FLNA: variants seen among roughly 807,000 people sequenced by gnomAD.
The protein encoded by FLNA is filamin-A.
Under a neutral mutation model 157.6 loss-of-function variants are expected in FLNA, and 7 were observed. The observed-to-expected ratio is 0.04, with a 90% CI of 0.03 to 0.08. The LOEUF is 0.08. Among genes scored for constraint, FLNA ranks in the 10% least tolerant of loss-of-function variants. The probability of loss-of-function intolerance (pLI) is 1.00; values close to 1 mark genes in which losing one functional copy is unlikely to be tolerated. For synonymous variants in FLNA, 1,103 were observed against 1,060.8 expected, an observed-to-expected ratio of 1.04 and a Z score of -0.77; for missense variants, 1,750 against 2,398.4, an observed-to-expected ratio of 0.73 and a Z score of 5.65.
chrX:154,354,752 A>T (rs782767086), intron 31 of FLNA, 41 bp from the exon 32 acceptor site: 1 of 1,208,157 alleles, frequency 8.3e-7, no homozygotes, highest in South Asian at 1.8e-5. Context: ...GTCTGTTGTC[A>T]CAGAGGGGCC....
Position 154,354,304 on chromosome X carries a change from G to A in FLNA, c.5417-13C>T, listed in dbSNP as rs781843681. 1 of 1,211,919 alleles carries A rather than the reference G, an allele frequency of 8.3e-7. No homozygotes were observed. The highest frequency in any genetic ancestry group is 1.8e-5 in the South Asian group (1 of 57,068). ...ATCCGAACCTCCCCTGTGGGGCAGT[G>A]GGGCTGAGGTCAGGGCAGCTCATTG... On this transcript the variant is annotated splice_polypyrimidine_tract_variant and intron_variant, in intron 33 of 47. Transcript: ENST00000369850.
intron 32 of FLNA, 58 bp from the exon 33 acceptor site, chrX:154,354,541 T>C (rs897376767): frequency 2.6e-6 from 3 of 1,172,766 alleles, no homozygotes; most frequent in Non-Finnish European, 3.5e-6. Flanking sequence ...GGGTCCCTCC[T>C]CACACATGGT....
chrX:154,361,046 C>CAAAAAAAAAAAAAAAAAAAAAAAAAAAA (rs59672916), intron 21 of FLNA, among the ~76,000 whole-genome samples: 7 of 19,987 alleles, frequency 3.5e-4, no homozygotes, highest in African/African-American at 5.9e-4. Flanking sequence ...GACTCTTTCT[C>CAAAAAAAAAAAAAAAAAAAAAAAAAAAA]AAAAAAAAAA....
In FLNA at chrX:154,354,086, G is replaced by A. The variant is rs782585821; in HGVS notation, c.5558-43C>T. 1.5e-5 allele frequency: 18 copies of A among 1,211,892 alleles called. No homozygotes were observed. In the East Asian group the frequency reaches 5.3e-4, roughly 36 times the overall value. On this transcript the variant is annotated intron_variant, in intron 34 of 47. Coordinates refer to ENST00000369850, the MANE Select transcript of FLNA (RefSeq NM_001110556.2). ...GCCTTGTGGAATGGCAGCCTCGTGTGTCCCCCAGCCCCATCTCTCTGTGAG... is the reference window on the plus strand; with the variant it reads ...GCCTTGTGGAATGGCAGCCTCGTGTATCCCCCAGCCCCATCTCTCTGTGAG...
chrX:154,360,553 C>A lies in FLNA; in HGVS notation c.3242G>T (p.Ser1081Ile), dbSNP rs782561908. The change falls in exon 22 of 48, where the codon AGT becomes ATT. Residue 1081 changes from serine to isoleucine, a missense_variant. Physicochemically the swap from Ser to Ile is moderately radical, Grantham distance 142. This residue lies in a region of FLNA where 648 missense variants were observed against 805.8 expected (regional missense o/e 0.80). Coordinates refer to ENST00000369850, the MANE Select transcript of FLNA (RefSeq NM_001110556.2). ...GGTGAAGCGGGCGGGGGAGCCCGCACTGCCTCCCTGCAGCCCCGGCCCAAA... is the reference window on the plus strand; with the variant it reads ...GGTGAAGCGGGCGGGGGAGCCCGCAATGCCTCCCTGCAGCCCCGGCCCAAA... ...KAFGPGLQGG[S>I]AGSPARFTID... The A allele has an allele frequency of 1.7e-6, 2 of 1,208,825 alleles. No homozygotes were observed. Among genetic ancestry groups the A allele is most frequent in the South Asian group, 3.5e-5 (2 of 56,999 alleles).
At position 154,357,575 on chromosome X, in the gene FLNA, C is replaced by G. The variant is rs782780465; in HGVS notation, c.4804G>C (p.Gly1602Arg). The change falls in exon 29 of 48, where the codon GGC becomes CGC. Residue 1602 changes from glycine to arginine, a missense_variant. By Grantham distance (125) the Gly-to-Arg change is moderately radical. Around this residue, in one of 5 missense-constraint regions of FLNA, gnomAD observed 970 missense variants for 1,302.6 expected, o/e 0.74. Transcript: ENST00000369850. ...KKTHIQDNHD[G>R]TYTVAYVPDV... ...GGCACGTAGGCCACTGTATACGTGC[C>G]GTCATGGTTGTCTTGGATGTGTGTC... 2 of 1,211,840 alleles carry G rather than the reference C, an allele frequency of 1.7e-6. No individual in the cohort carries two copies. The highest frequency in any genetic ancestry group is 2.2e-6 in the Non-Finnish European group (2 of 895,383).
rs1285230988 is a variant in FLNA at position 154,358,996 on chromosome X, G to C, written c.4462C>G (p.Gln1488Glu). 1 of 1,211,036 alleles carries C rather than the reference G, an allele frequency of 8.3e-7. No individual in the cohort carries two copies. The highest frequency in any genetic ancestry group is 3.0e-5 in the East Asian group (1 of 33,852). ...TGCAAACACTCACCTTTGGGCCCTTGCACTTTGACCTGCAATGGGGCCACA... is the reference window on the plus strand; with the variant it reads ...TGCAAACACTCACCTTTGGGCCCTTCCACTTTGACCTGCAATGGGGCCACA... ...AGVAPLQVKV[Q>E]GPKGLVEPVD... The change falls in exon 26 of 48, where the codon CAA becomes GAA. Residue 1488 changes from glutamine to glutamate, a missense_variant. Transcript: ENST00000369850.
Position 154,348,894 on chromosome X carries a change from C to T in FLNA, c.7899G>A (p.Gly2633=). The T allele has an allele frequency of 1.7e-6, 2 of 1,210,689 alleles. No individual in the cohort carries two copies. The highest frequency in any genetic ancestry group is 1.8e-5 in the South Asian group (1 of 56,965). Reference sequence around the variant, plus strand: ...AGGGGCTGCCTGGGATGTGCTCGTCCCCCCATTTGACCACCAGTGTGTACT... The same window carrying T: ...AGGGGCTGCCTGGGATGTGCTCGTCTCCCCATTTGACCACCAGTGTGTACT... ...KGEYTLVVKW[G]DEHIPGSPYR... Residue 2633 remains glycine, a synonymous_variant, in exon 48 of 48, where the codon GGG becomes GGA. Coordinates refer to ENST00000369850, the MANE Select transcript of FLNA (RefSeq NM_001110556.2).
intron 30 of FLNA, among the ~76,000 whole-genome samples, chrX:154,356,429 G>GCACACACGCCTGTCA (rs1276410033): frequency 9.9e-5 from 11 of 111,631 alleles, no homozygotes; most frequent in African/African-American, 3.3e-4. Context: ...CCCGCCCTGC[G>GCACACACGCCTGTCA]CACACACGCC....
At chrX:154,370,747 A>T in intron 2 of FLNA, 126 bp downstream of exon 2, 1 of 751,884 alleles carries the variant, frequency 1.3e-6, no homozygotes, top group South Asian at 2.6e-5. Context: ...GGAGCAGAGC[A>T]GCCGGAGGCC....
At chrX:154,357,395 G>A (rs1603360337) in intron 29 of FLNA, 39 bp downstream of exon 29, 5 of 1,200,380 alleles carry the variant, frequency 4.2e-6, no homozygotes, top group East Asian at 3.0e-5. Context: ...CCCAAGCCCC[G>A]TGCCGAGCGC....
intron 30 of FLNA, among the ~76,000 whole-genome samples, chrX:154,356,525 C>T (rs2067664277): frequency 8.9e-6 from 1 of 111,762 alleles, no homozygotes; most frequent in South Asian, 3.6e-4. Context: ...CTCACCCTTT[C>T]CTTAGCCACC....
At position 154,358,437 on chromosome X, in the gene FLNA, C is replaced by T. The variant is rs112379782; in HGVS notation, c.4598+8G>A. ...CACTCCCCACAGGCAGCAGGCCCTG[C>T]CTCTTACCTCCGGGGTACCTCTTCA... On this transcript the variant is annotated splice_region_variant and intron_variant, in intron 27 of 47. Transcript: ENST00000369850. 1 of 1,209,627 alleles carries T rather than the reference C, an allele frequency of 8.3e-7. No homozygotes were observed. Among genetic ancestry groups the T allele is most frequent in the African/African-American group, 1.7e-5 (1 of 57,144 alleles).
intron 44 of FLNA, 108 bp from the exon 45 acceptor site, chrX:154,350,315 T>C: frequency 7.9e-6 from 6 of 756,311 alleles, no homozygotes; most frequent in Non-Finnish European, 1.2e-5. Flanking sequence ...TGCCGGTCCA[T>C]CAGTGTGAGC....
At chrX:154,373,777 G>A (rs782761867) in intron 1 of FLNA, among the ~76,000 whole-genome samples, 18 of 113,459 alleles carry the variant, frequency 1.6e-4, no homozygotes, top group African/African-American at 5.4e-4. Context: ...GGCAGGTGAG[G>A]TCGCCCATTC....
intron 2 of FLNA, among the ~76,000 whole-genome samples, chrX:154,368,946 C>T (rs2067783492): frequency 8.8e-6 from 1 of 113,138 alleles, no homozygotes; most frequent in Admixed American, 9.3e-5. Flanking sequence ...GGGCGGGTCC[C>T]TGACACCCCC....
intron 5 of FLNA, 70 bp downstream of exon 5, chrX:154,367,327 G>A (rs1453382719): frequency 1.8e-5 from 20 of 1,141,469 alleles, no homozygotes; most frequent in African/African-American, 5.4e-5. Context: ...GGACCGCCAC[G>A]TTTAGATGGG....
Position 154,348,720 on chromosome X carries a change from C to G in FLNA, c.*129G>C, listed in dbSNP as rs1217025451. On this transcript the variant is annotated 3_prime_UTR_variant, in exon 48 of 48. Transcript: ENST00000369850. ...GGAGGCAGGTGAGCGCAGCACGGCA[C>G]AGGGCAGGGGCGGCTGCAGTGACAG... The G allele has an allele frequency of 1.5e-5, 9 of 596,050 alleles. No individual in the cohort carries two copies. In the East Asian group the frequency reaches 3.3e-4, roughly 22 times the overall value. 49.1% of individuals were successfully genotyped at this position (596,050 alleles called of 1,213,427 possible). A position where few individuals can be genotyped will look rare whatever the true frequency, so the allele number is the denominator to read the frequency against.
rs781919390 is a variant in FLNA at position 154,352,456 on chromosome X, T to C, written c.6503-9A>G. The stretch of plus-strand genomic sequence containing the variant: ...ATCCTGGATGCTAATTTCTGCAGGG[T>C]GGGGATGGGCTAGTGAGCAGCAGCC... On this transcript the variant is annotated splice_polypyrimidine_tract_variant and intron_variant, in intron 40 of 47. Coordinates refer to ENST00000369850, the MANE Select transcript of FLNA (RefSeq NM_001110556.2). The C allele has an allele frequency of 1.4e-4, 167 of 1,210,193 alleles. No homozygotes were observed. The highest frequency in any genetic ancestry group is 9.2e-4 in the Middle Eastern group (4 of 4,348).
Sources: gnomAD v4.1 joint callset for allele counts (sites outside exome capture counted in the v4.1 genomes callset) on GRCh38, gnomAD v4.1.1 for gene constraint, gnomAD v4.1.1 regional missense constraint, MANE v1.5 for transcripts, NCBI Gene and HGNC (gene_info 2026-07-23, HGNC 2026-07-21) for gene names.